LRRC53: variants seen among roughly 807,000 people sequenced by gnomAD.
The protein encoded by LRRC53 is leucine-rich repeat-containing protein 53.
A neutral mutation model predicts 13.6 loss-of-function variants in LRRC53; 25 were observed. That is an observed-to-expected ratio of 1.83 (90% CI 1.34 to 2.56). The LOEUF (loss-of-function observed/expected upper bound fraction) is 2.56, where lower values mean the gene tolerates loss of function less well. Among genes scored for constraint, LRRC53 ranks in the 30% most tolerant of loss-of-function variants. The pLI is 0.00. For missense variants in LRRC53, 527 were observed against 275.8 expected (o/e 1.91, Z -6.45); for synonymous variants, 204 against 109.8 (o/e 1.86, Z -5.37).
At chr1:74,479,102 A>T (rs1668349783) in intron 3 of LRRC53, among the ~76,000 whole-genome samples, 1 of 152,178 alleles carries the variant, frequency 6.6e-6, no homozygotes, top group Non-Finnish European at 1.5e-5. Flanking sequence ...TATAGCACAT[A>T]TTTAAAATAC....
chr1:74,510,246 C>G, intron 1 of LRRC53, among the ~76,000 whole-genome samples: 1 of 152,116 alleles, frequency 6.6e-6, no homozygotes, highest in East Asian at 1.9e-4. Flanking sequence ...GTGGCTCACG[C>G]CTGTAATCCC....
At chr1:74,525,257 G>C in the LRRC53 span, among the ~76,000 whole-genome samples, 1 of 152,206 alleles carries the variant, frequency 6.6e-6, no homozygotes, top group Non-Finnish European at 1.5e-5. Flanking sequence ...CCTCCTGTGT[G>C]TTAGGGATTC....
chr1:74,474,561 A>G (rs1557590287), intron 4 of LRRC53, among the ~76,000 whole-genome samples: 4 of 152,178 alleles, frequency 2.6e-5, no homozygotes, highest in Non-Finnish European at 5.9e-5. Context: ...TTGTGAACCA[A>G]TTCAAATAAA....
At chr1:74,512,418 T>C (rs918768854) in intron 1 of LRRC53, 108 bp downstream of exon 1, 2 of 152,332 alleles carry the variant, frequency 1.3e-5, no homozygotes, top group African/African-American at 4.8e-5. Flanking sequence ...ATCACCCACA[T>C]GATCATCTGT....
chr1:74,480,791 T>A lies in LRRC53; in HGVS notation c.266A>T (p.Glu89Val), dbSNP rs1668455327. 1.4e-6 allele frequency: 1 copy of A among 717,570 alleles called. No homozygotes were observed. The highest frequency in any genetic ancestry group is 2.7e-5 in the East Asian group (1 of 37,280). 44.5% of individuals were successfully genotyped at this position (717,570 alleles called of 1,614,324 possible). ...CGAAGAGCTGGATATTTGGTTGTGC[T>A]CCAGCAACAAGGTCCGCAACATCGT... ...GLTMLRTLLLEHNQISSSSLT... is the reference protein window; with the variant it reads ...GLTMLRTLLLVHNQISSSSLT... The change falls in exon 3 of 5, where the codon GAG (glutamate) becomes GTG (valine). Residue 89 changes from glutamate (E) to valine (V), a missense_variant. Glu to Val is a moderately radical substitution (Grantham distance 121). Coordinates refer to ENST00000294635, the MANE Select transcript of LRRC53 (RefSeq NM_001382280.1).
intron 1 of LRRC53, chr1:74,492,094 C>G (rs1669108160): frequency 6.4e-7 from 1 of 1,552,800 alleles, no homozygotes; most frequent in East Asian, 2.3e-5. Flanking sequence ...CTCCTCCACT[C>G]AGCTGATGTC....
the LRRC53 span, among the ~76,000 whole-genome samples, chr1:74,533,923 G>A: frequency 6.6e-6 from 1 of 152,152 alleles, no homozygotes; most frequent in Non-Finnish European, 1.5e-5. Context: ...TGGAATGAAA[G>A]TCTGAAAAAC....
intron 1 of LRRC53, among the ~76,000 whole-genome samples, chr1:74,495,141 G>A (rs569717684): frequency 1.3e-5 from 2 of 152,242 alleles, no homozygotes; most frequent in South Asian, 4.1e-4. Context: ...TGACTGTTAT[G>A]GAACTCTGAT....
In LRRC53 at chr1:74,475,293, A is replaced by G. The variant is rs1207255829; in HGVS notation, c.1420+2T>C. The G allele has an allele frequency of 3.1e-6, 2 of 637,670 alleles. No individual in the cohort carries two copies. Among genetic ancestry groups the G allele is most frequent in the South Asian group, 3.7e-5 (2 of 54,036 alleles). 39.5% of individuals were successfully genotyped at this position (637,670 alleles called of 1,614,324 possible). On this transcript the variant is annotated splice_donor_variant, in intron 4 of 4. Transcript: ENST00000294635. LOFTEE classifies it high-confidence loss of function. ...GGATTTTCTAAAACAAGACAAACTC[A>G]CCTTCTGTTCTTATTATATGGTGTT...
intron 3 of LRRC53, among the ~76,000 whole-genome samples, chr1:74,477,535 C>A (rs1267860054): frequency 6.6e-6 from 1 of 151,990 alleles, no homozygotes; most frequent in African/African-American, 2.4e-5. Context: ...AGTTAGTAGA[C>A]CAAATAATGA....
chr1:74,471,208 C>T lies in LRRC53; in HGVS notation c.2414G>A (p.Arg805His), dbSNP rs771670786. The T allele has an allele frequency of 1.0e-5, 4 of 400,468 alleles. No individual in the cohort carries two copies. The highest frequency in any genetic ancestry group is 1.8e-5 in the Non-Finnish European group (4 of 226,178). 24.8% of individuals were successfully genotyped at this position (400,468 alleles called of 1,614,324 possible). A position where few individuals can be genotyped will look rare whatever the true frequency, so the allele number is the denominator to read the frequency against. ...GTTGTTAGCACTGAGCAGGGGGGCA[C>T]GTTTAGTGTTTCGTTGATAATATGG... ...QTPYYQRNTK[R>H]APLLSANNLR... The change falls in exon 5 of 5, where the codon CGT (arginine) becomes CAT (histidine). Residue 805 changes from arginine (R) to histidine (H), a missense_variant. Transcript: ENST00000294635.
At chr1:74,503,181 T>C (rs1447301505) in intron 1 of LRRC53, among the ~76,000 whole-genome samples, 1 of 152,174 alleles carries the variant, frequency 6.6e-6, no homozygotes, top group African/African-American at 2.4e-5. Flanking sequence ...TTTCTGGTGA[T>C]GAAAGTCCAA....
At chr1:74,490,638 G>T (rs1461071104) in intron 1 of LRRC53, among the ~76,000 whole-genome samples, 3 of 152,152 alleles carry the variant, frequency 2.0e-5, no homozygotes, top group African/African-American at 7.2e-5. Context: ...ATGAGAGTCA[G>T]CCTAAAGAGG....
At chr1:74,532,038 T>A in the LRRC53 span, among the ~76,000 whole-genome samples, 1 of 152,164 alleles carries the variant, frequency 6.6e-6, no homozygotes, top group African/African-American at 2.4e-5. Context: ...TTGCCTGAAG[T>A]CTTTAATCAC....
At chr1:74,492,426 T>C (rs1435455165) in intron 1 of LRRC53, among the ~76,000 whole-genome samples, 1 of 152,174 alleles carries the variant, frequency 6.6e-6, no homozygotes. Context: ...GACTAAAAAT[T>C]AGAAATTTTA....
the LRRC53 span, among the ~76,000 whole-genome samples, chr1:74,521,533 C>T: frequency 6.6e-6 from 1 of 151,916 alleles, no homozygotes; most frequent in Non-Finnish European, 1.5e-5. Flanking sequence ...TATATATACA[C>T]CTATATATAC....
chr1:74,529,503 G>T, the LRRC53 span, among the ~76,000 whole-genome samples: 5 of 152,212 alleles, frequency 3.3e-5, no homozygotes, highest in Non-Finnish European at 5.9e-5. Flanking sequence ...ATTCAGTGCT[G>T]CATGTGATTC....
At chr1:74,484,985 T>C (rs1440434374) in intron 1 of LRRC53, among the ~76,000 whole-genome samples, 1 of 151,948 alleles carries the variant, frequency 6.6e-6, no homozygotes, top group Non-Finnish European at 1.5e-5. Context: ...GTAAGCATAT[T>C]CCAGATGATT....
intron 1 of LRRC53, among the ~76,000 whole-genome samples, chr1:74,484,786 CA>C (rs1241144413): frequency 6.6e-6 from 1 of 152,064 alleles, no homozygotes; most frequent in East Asian, 1.9e-4. Flanking sequence ...CGTTTTAACC[CA>C]AATAACATGG....
Sources: gnomAD v4.1 joint callset for allele counts (sites outside exome capture counted in the v4.1 genomes callset) on GRCh38, gnomAD v4.1.1 for gene constraint, MANE v1.5 for transcripts, NCBI Gene and HGNC (gene_info 2026-07-23, HGNC 2026-07-21) for gene names.